Variants in TARS1 observed in about 807,000 individuals in gnomAD.
TARS1 encodes threonyl-tRNA synthetase 1, also known as threonine--tRNA ligase 1, cytoplasmic.
TARS1 carries 57 observed loss-of-function variants against 97.7 expected under a neutral mutation model. The ratio of observed to expected loss-of-function variants is 0.58; its 90% CI spans 0.47 to 0.73. TARS1 has a LOEUF of 0.73. TARS1 is among the 30% of genes least tolerant of loss of function. TARS1 has a pLI of 0.00. For synonymous variants in TARS1, 312 were observed against 293.7 expected (o/e 1.06, Z -0.64); for missense variants, 806 against 888.3 (o/e 0.91, Z 1.18).
intron 8 of TARS1, 121 bp downstream of exon 8, chr5:33,456,348 C>G: frequency 5.0e-6 from 4 of 803,220 alleles, no homozygotes; most frequent in Non-Finnish European, 5.9e-6. Flanking sequence ...TTTTCTCATG[C>G]TCTCTATTAA....
chr5:33,467,582 C>G lies in TARS1; in HGVS notation c.2046C>G (p.Ile682Met). Residue 682 changes from isoleucine to methionine, a missense_variant, in exon 19 of 19, where the codon ATC becomes ATG. Physicochemically the swap from Ile to Met is conservative, Grantham distance 10 (BLOSUM62 1). Coordinates refer to ENST00000265112, the MANE Select transcript of TARS1 (RefSeq NM_152295.5). ...FILVVGEKEK[I>M]SGTVNIRTRD... is the part of the protein sequence containing the mutation. ...TAGTTGTTGGTGAAAAAGAGAAAAT[C>G]AGTGGCACTGTTAATATCCGCACAA... The G allele has an allele frequency of 6.2e-7, 1 of 1,609,942 alleles. No individual in the cohort carries two copies. Among genetic ancestry groups the G allele is most frequent in the Non-Finnish European group, 8.5e-7 (1 of 1,178,666 alleles).
chr5:33,458,519 C>A (rs200879879), intron 9 of TARS1, 47 bp from the exon 10 acceptor site: 11 of 1,511,166 alleles, frequency 7.3e-6, no homozygotes, highest in Middle Eastern at 1.7e-4. Context: ...TATACACACA[C>A]GTATACGTGA....
rs974305364 is a variant in TARS1, at chr5:33,465,900, A to G, written c.1909-971A>G. On this transcript the variant is annotated intron_variant, in intron 17 of 18. Transcript: ENST00000265112. Reference sequence around the variant, plus strand: ...AGAGATTGCTGGTTTTACTCATGATACTTAAGTAGAGTATGATAGTTACTA... The same window carrying G: ...AGAGATTGCTGGTTTTACTCATGATGCTTAAGTAGAGTATGATAGTTACTA... The G allele has an allele frequency of 3.9e-5, 6 of 152,200 alleles. 1 individual carries two copies. The South Asian group carries it at 8.3e-4, about 21-fold the overall frequency. The allele number at this position is 152,200 out of a possible 1,614,324, so 9.4% of individuals were successfully genotyped here.
chr5:33,442,320 CTTTTTTTTTTTTT>C (rs763508345), intron 1 of TARS1, among the ~76,000 whole-genome samples: 2 of 104,598 alleles, frequency 1.9e-5, no homozygotes, highest in African/African-American at 3.6e-5. Context: ...TGTTTTGTAA[CTTTTTTTTTTTTT>C]TTTTTTTTTG....
intron 1 of TARS1, among the ~76,000 whole-genome samples, chr5:33,443,272 C>G (rs1361840804): frequency 7.0e-6 from 1 of 142,922 alleles, no homozygotes; most frequent in African/African-American, 2.6e-5. Context: ...AAAATGGAGC[C>G]GTATTTAGAA....
chr5:33,453,190 AC>A lies in TARS1; in HGVS notation c.330-98del, dbSNP rs540226740. On this transcript the variant is annotated intron_variant, in intron 3 of 18. Coordinates refer to ENST00000265112, the MANE Select transcript of TARS1 (RefSeq NM_152295.5). ...AATAGAGATACATCAATATAAAAAA[AC>A]AATATATAATAAAAATAGTGTTTAT... is the stretch of plus-strand genomic sequence containing the variant. The A allele has an allele frequency of 5.4e-3, 6,997 of 1,293,714 alleles. 22 individuals are homozygous for A. The highest frequency in any genetic ancestry group is 6.0e-3 in the Non-Finnish European group (6,058 of 1,003,690). The allele number at this position is 1,293,714 out of a possible 1,614,324, so 80.1% of individuals were successfully genotyped here. A position where few individuals can be genotyped will look rare whatever the true frequency, so the allele number is the denominator to read the frequency against.
Position 33,448,725 on chromosome 5 carries a change from G to A in TARS1, c.323G>A (p.Gly108Glu), listed in dbSNP as rs1741553205. 6.2e-7 allele frequency: 1 copy of A among 1,612,582 alleles called. No individual in the cohort carries two copies. The highest frequency in any genetic ancestry group is 8.5e-7 in the Non-Finnish European group (1 of 1,179,366). Residue 108 changes from glycine (G) to glutamate (E), a missense_variant, in exon 3 of 19, where the codon GGA becomes GAA. Around this residue, in one of 3 missense-constraint regions of TARS1, gnomAD observed 356 missense variants for 357.8 expected, o/e 0.99. Transcript: ENST00000265112. ...ACTACACCATATCAAATTGCCTGTG[G>A]AATTAGGTATAAGCTACACCCATCA... ...WKTTPYQIAC[G>E]ISQGLADNTV...
chr5:33,447,052 C>T (rs1741454370), intron 2 of TARS1, among the ~76,000 whole-genome samples: 1 of 152,154 alleles, frequency 6.6e-6, no homozygotes, highest in Admixed American at 6.5e-5. Flanking sequence ...GGGAGAATCA[C>T]TGGAGCCCAG....
At position 33,440,991 on chromosome 5, in the gene TARS1, C is replaced by G; in HGVS notation, c.-96C>G. On this transcript the variant is annotated 5_prime_UTR_variant, in exon 1 of 19. Transcript: ENST00000265112. ...ATTGCATCAGCTGGTCCAGCCGAGG[C>G]CAAGTCCCGGGCGCTAGCCCACCTC... 2.0e-6 allele frequency: 3 copies of G among 1,520,792 alleles called. No individual in the cohort carries two copies. The highest frequency in any genetic ancestry group is 2.3e-5 in the South Asian group (2 of 86,672). The allele number at this position is 1,520,792 out of a possible 1,614,324, so 94.2% of individuals were successfully genotyped here.
Position 33,463,968 on chromosome 5 carries a change from GATT to G in TARS1, c.1908+146_1908+148del, listed in dbSNP as rs573066706. ...TTTTAATCTTTGTTAAGCCTGAATA[GATT>G]ATATTACTTCTTTAATGCTTTTCTC... On this transcript the variant is annotated intron_variant, in intron 17 of 18. Transcript: ENST00000265112. The G allele has an allele frequency of 2.4e-3, 1,606 of 679,882 alleles. 8 individuals carry two copies. The highest frequency in any genetic ancestry group is 3.3e-3 in the Non-Finnish European group (1,330 of 403,848). 42.1% of individuals were successfully genotyped at this position (679,882 alleles called of 1,614,324 possible). A position where few individuals can be genotyped will look rare whatever the true frequency, so the allele number is the denominator to read the frequency against.
At chr5:33,443,670 A>G (rs897748402) in intron 1 of TARS1, among the ~76,000 whole-genome samples, 2 of 150,822 alleles carry the variant, frequency 1.3e-5, no homozygotes, top group African/African-American at 4.9e-5. Flanking sequence ...TTTTTTTTGT[A>G]TTTTTTAGTA....
chr5:33,442,431 A>C (rs1361552227), intron 1 of TARS1, among the ~76,000 whole-genome samples: 1 of 151,494 alleles, frequency 6.6e-6, no homozygotes, highest in African/African-American at 2.4e-5. Flanking sequence ...TGGTTAACAC[A>C]TATGTAATTT....
intron 4 of TARS1, among the ~76,000 whole-genome samples, chr5:33,454,561 A>C (rs1741920022): frequency 6.6e-6 from 1 of 152,240 alleles, no homozygotes; most frequent in African/African-American, 2.4e-5. Flanking sequence ...GCCAGATCAC[A>C]GTGTCTGAGA....
chr5:33,461,462 T>C (rs1742287273), intron 13 of TARS1, among the ~76,000 whole-genome samples, 167 bp downstream of exon 13: 1 of 152,178 alleles, frequency 6.6e-6, no homozygotes, highest in Non-Finnish European at 1.5e-5. Context: ...ATTTTTGAAA[T>C]GGTTGAATGT....
Position 33,461,698 on chromosome 5 carries a change from A to T in TARS1, c.1583A>T (p.Glu528Val). 1 of 1,614,162 alleles carries T rather than the reference A, an allele frequency of 6.2e-7. No individual in the cohort carries two copies. Among genetic ancestry groups the T allele is most frequent in the Non-Finnish European group, 8.5e-7 (1 of 1,180,018 alleles). Residue 528 changes from glutamate to valine, a missense_variant, in exon 14 of 19, where the codon GAA becomes GTA. Around this residue, in one of 3 missense-constraint regions of TARS1, gnomAD observed 446 missense variants for 511.0 expected, o/e 0.87. Transcript: ENST00000265112. ...GAAAACAGTCTGAATGAATTTGGTG[A>T]AAAGTGGGAGTTAAACTCTGGAGAT... ...QLENSLNEFG[E>V]KWELNSGDGA...
chr5:33,445,550 T>A, intron 2 of TARS1, 146 bp downstream of exon 2: 1 of 606,102 alleles, frequency 1.6e-6, no homozygotes, highest in Non-Finnish European at 2.8e-6. Flanking sequence ...GAAGAAGAAT[T>A]AGGAAAGGGT....
rs1482433767 is a variant in TARS1 at position 33,462,123 on chromosome 5, G to A, written c.1755G>A (p.Arg585=). ...YVSHDGDDKK[R]PVIVHRAILG... ...GCCATGATGGTGATGATAAGAAAAG[G>A]CCAGTGATTGTTCATCGAGCCATCT... is the stretch of plus-strand genomic sequence containing the variant. Residue 585 remains arginine, a synonymous_variant, in exon 16 of 19, where the codon AGG becomes AGA. Coordinates refer to ENST00000265112, the MANE Select transcript of TARS1 (RefSeq NM_152295.5). The A allele has an allele frequency of 3.1e-6, 5 of 1,612,928 alleles. No homozygotes were observed. The highest frequency in any genetic ancestry group is 4.2e-6 in the Non-Finnish European group (5 of 1,179,742).
intron 1 of TARS1, among the ~76,000 whole-genome samples, chr5:33,443,352 T>TCTCTCTCTCTCTCTCTCTCTCTCTCC: frequency 7.2e-6 from 1 of 139,268 alleles, no homozygotes; most frequent in East Asian, 2.0e-4. Flanking sequence ...TCTCTCTCTC[T>TCTCTCTCTCTCTCTCTCTCTCTCTCC]CTCTCTCTCA....
chr5:33,467,465 T>C (rs1310894563), intron 18 of TARS1, 95 bp from the exon 19 acceptor site: 2 of 1,424,012 alleles, frequency 1.4e-6, no homozygotes, highest in Non-Finnish European at 1.9e-6. Context: ...ATGGGGTAGG[T>C]TTTGGGTCCT....
Sources: allele counts gnomAD v4.1 joint callset (sites outside exome capture counted in the v4.1 genomes callset), GRCh38; gene constraint gnomAD v4.1.1; regional missense constraint gnomAD v4.1.1; transcripts MANE v1.5; gene names NCBI Gene and HGNC (gene_info 2026-07-23, HGNC 2026-07-21).